CELSR1: variants seen among roughly 807,000 people sequenced by gnomAD.
CELSR1 encodes adhesion G protein-coupled receptor C1.
Under a neutral mutation model 249.1 loss-of-function variants are expected in CELSR1, and 110 were observed. That is an observed-to-expected ratio of 0.44 (90% CI 0.38 to 0.52). CELSR1 has a LOEUF of 0.52. Among genes scored for constraint, CELSR1 ranks in the 20% least tolerant of loss-of-function variants. The pLI, the probability that CELSR1 is intolerant of heterozygous loss-of-function variation, is 0.00. For synonymous variants in CELSR1, 2,113 were observed against 1,900.0 expected (o/e 1.11, Z -2.92); for missense variants, 4,109 against 4,296.4 (o/e 0.96, Z 1.22).
intron 26 of CELSR1, 34 bp downstream of exon 26, chr22:46,369,658 G>T: frequency 1.3e-6 from 2 of 1,591,256 alleles, no homozygotes; most frequent in Non-Finnish European, 8.6e-7. Flanking sequence ...GCATGTTTGG[G>T]GCACCCGGAC....
Position 46,440,932 on chromosome 22 carries a change from G to A in CELSR1, c.4184-1521C>T, listed in dbSNP as rs2079738551. Among the ~76,000 whole-genome samples the A allele has an allele frequency of 6.6e-6, 1 of 152,000 alleles. No individual in the cohort carries two copies. Among genetic ancestry groups the A allele is most frequent in the African/African-American group, 2.4e-5 (1 of 41,376 alleles). ...CTTTGGGAGGCTGAGGTGGGTGGAT[G>A]TCTTGAGGCCAGGAGTTGAAGACCA... On this transcript the variant is annotated intron_variant, in intron 2 of 34. Transcript: ENST00000674500. This position sits in a 1 kb window ranked among gnomAD's most constrained non-coding sequence, Gnocchi z 4.7.
chr22:46,403,994 A>G (rs1213003238), intron 9 of CELSR1, among the ~76,000 whole-genome samples: 1 of 151,692 alleles, frequency 6.6e-6, no homozygotes, highest in Admixed American at 6.6e-5. Flanking sequence ...AAAAAAAGAA[A>G]AAAAGAAAAA....
intron 1 of CELSR1, among the ~76,000 whole-genome samples, chr22:46,509,629 C>T (rs902286086): frequency 8.6e-6 from 1 of 116,738 alleles, no homozygotes; most frequent in South Asian, 2.6e-4. Flanking sequence ...GTCACAGAGG[C>T]CCTGAATATC....
Position 46,512,918 on chromosome 22 carries a change from A to G in CELSR1, c.3544+20709T>C, listed in dbSNP as rs944286671. 6.6e-6 allele frequency among the ~76,000 whole-genome samples: 1 copy of G among 152,134 alleles called. No individual in the cohort carries two copies. The highest frequency in any genetic ancestry group is 1.5e-5 in the Non-Finnish European group (1 of 68,024). On this transcript the variant is annotated intron_variant, in intron 1 of 34. Coordinates refer to ENST00000674500, the MANE Select transcript of CELSR1 (RefSeq NM_001378328.1). This position sits in a 1 kb window ranked among gnomAD's most constrained non-coding sequence, Gnocchi z 5.2. ...TGAGTGCTGCCCCGGGTGGCCCCGCATGGCAGGCGACGTCCTCCTCCAGGC... is the reference window on the plus strand; with the variant it reads ...TGAGTGCTGCCCCGGGTGGCCCCGCGTGGCAGGCGACGTCCTCCTCCAGGC...
chr22:46,509,062 C>A (rs1382369813), intron 1 of CELSR1, among the ~76,000 whole-genome samples: 1 of 152,176 alleles, frequency 6.6e-6, no homozygotes, highest in Non-Finnish European at 1.5e-5. Flanking sequence ...CATCATCACA[C>A]GACACCTCCT....
chr22:46,475,608 C>A (rs1016778393), intron 1 of CELSR1, among the ~76,000 whole-genome samples: 1 of 147,992 alleles, frequency 6.8e-6, no homozygotes, highest in African/African-American at 2.5e-5. Flanking sequence ...TAAAAATGGC[C>A]AAGATGGTTC....
rs950725047 is a variant in CELSR1 at position 46,537,035 on chromosome 22, G to C, written c.136C>G (p.Pro46Ala). 18 of 1,099,508 alleles carry C rather than the reference G, an allele frequency of 1.6e-5. No individual in the cohort carries two copies. In the African/African-American group the frequency reaches 2.9e-4, roughly 17 times the overall value. The allele number at this position is 1,099,508 out of a possible 1,614,324, so 68.1% of individuals were successfully genotyped here. A position where few individuals can be genotyped will look rare whatever the true frequency, so the allele number is the denominator to read the frequency against. Reference sequence around the variant, plus strand: ...GCGCCCACCGCGTAGGTACAGCCGGGCCGGAGGGCGAAGGCGCGGGTCCCG... The same window carrying C: ...GCGCCCACCGCGTAGGTACAGCCGGCCCGGAGGGCGAAGGCGCGGGTCCCG... Reference protein sequence around the residue: ...PGGTRAFALRPGCTYAVGAAC... With the variant: ...PGGTRAFALRAGCTYAVGAAC... Residue 46 changes from proline to alanine, a missense_variant, in exon 1 of 35, where the codon CCC (proline) becomes GCC (alanine). By Grantham distance (27) the Pro-to-Ala change is conservative (BLOSUM62 -1). Transcript: ENST00000674500. The surrounding 1 kb of genome is among the most constrained non-coding windows in gnomAD (Gnocchi z 5.8).
At position 46,418,965 on chromosome 22, in the gene CELSR1, G is replaced by A. The variant is rs150783536; in HGVS notation, c.4612-7206C>T. On this transcript the variant is annotated intron_variant, in intron 5 of 34. Coordinates refer to ENST00000674500, the MANE Select transcript of CELSR1 (RefSeq NM_001378328.1). ...GGAGGCAGGAGTCCCCTGGGCATGC[G>A]TGTTCAGCACTGGACGGAGATAAGC... 3.1e-3 allele frequency among the ~76,000 whole-genome samples: 475 copies of A among 152,322 alleles called. 2 individuals are homozygous for A. The highest frequency in any genetic ancestry group is 4.6e-3 in the African/African-American group (191 of 41,578).
At position 46,445,528 on chromosome 22, in the gene CELSR1, T is replaced by C. The variant is rs2079809020; in HGVS notation, c.4184-6117A>G. ...AATAAAAAATAAAGACACCAGTCATTGGATTTAGGGTCCACCCTAAATCCA... is the reference window on the plus strand; with the variant it reads ...AATAAAAAATAAAGACACCAGTCATCGGATTTAGGGTCCACCCTAAATCCA... On this transcript the variant is annotated intron_variant, in intron 2 of 34. Coordinates refer to ENST00000674500, the MANE Select transcript of CELSR1 (RefSeq NM_001378328.1). The surrounding 1 kb of genome is among the most constrained non-coding windows in gnomAD (Gnocchi z 4.4). 6.6e-6 allele frequency among the ~76,000 whole-genome samples: 1 copy of C among 152,058 alleles called. No individual in the cohort carries two copies. The highest frequency in any genetic ancestry group is 1.5e-5 in the Non-Finnish European group (1 of 68,004).
At position 46,374,891 on chromosome 22, in the gene CELSR1, G is replaced by A. The variant is rs1447754400; in HGVS notation, c.7585-1834C>T. Among the ~76,000 whole-genome samples the A allele has an allele frequency of 6.6e-6, 1 of 152,196 alleles. No individual in the cohort carries two copies. The highest frequency in any genetic ancestry group is 1.5e-5 in the Non-Finnish European group (1 of 68,012). On this transcript the variant is annotated intron_variant, in intron 24 of 34. Coordinates refer to ENST00000674500, the MANE Select transcript of CELSR1 (RefSeq NM_001378328.1). This position sits in a 1 kb window ranked among gnomAD's most constrained non-coding sequence, Gnocchi z 4.3. Reference sequence around the variant, plus strand: ...GGCCCCGCACACGGAGCCCCCGCCAGCCCGGGGCCTCGGCCTCGGGAAGCA... The same window carrying A: ...GGCCCCGCACACGGAGCCCCCGCCAACCCGGGGCCTCGGCCTCGGGAAGCA...
Position 46,468,291 on chromosome 22 carries a change from C to G in CELSR1, c.3545-3946G>C, listed in dbSNP as rs536316415. Among the ~76,000 whole-genome samples, 14 of 151,380 alleles carry G rather than the reference C, an allele frequency of 9.2e-5. No individual in the cohort carries two copies. The highest frequency in any genetic ancestry group is 1.8e-4 in the Non-Finnish European group (12 of 67,964). ...ATCTTAGCTACTCGGGAGGCTGAGG[C>G]AGGAGAATCGCTTGAACCCAAGAGG... On this transcript the variant is annotated intron_variant, in intron 1 of 34. Coordinates refer to ENST00000674500, the MANE Select transcript of CELSR1 (RefSeq NM_001378328.1). The surrounding 1 kb of genome is among the most constrained non-coding windows in gnomAD (Gnocchi z 4.5).
intron 1 of CELSR1, among the ~76,000 whole-genome samples, chr22:46,466,099 A>C (rs1331719175): frequency 1.3e-5 from 2 of 152,202 alleles, no homozygotes; most frequent in African/African-American, 4.8e-5. Flanking sequence ...CGGAGCAGGA[A>C]GGAGCAGCCC....
At position 46,537,080 on chromosome 22, in the gene CELSR1, A is replaced by G; in HGVS notation, c.91T>C (p.Trp31Arg). 9.5e-7 allele frequency: 1 copy of G among 1,050,948 alleles called. No homozygotes were observed. The highest frequency in any genetic ancestry group is 1.1e-6 in the Non-Finnish European group (1 of 875,396). 65.1% of individuals were successfully genotyped at this position (1,050,948 alleles called of 1,614,324 possible). A position where few individuals can be genotyped will look rare whatever the true frequency, so the allele number is the denominator to read the frequency against. The change falls in exon 1 of 35, where the codon TGG (tryptophan) becomes CGG (arginine). Residue 31 changes from tryptophan (W) to arginine (R), a missense_variant. Trp to Arg is a moderately radical substitution (Grantham distance 101). Around this residue, in one of 7 missense-constraint regions of CELSR1, gnomAD observed 673 missense variants for 636.8 expected, o/e 1.06. Transcript: ENST00000674500. This position sits in a 1 kb window ranked among gnomAD's most constrained non-coding sequence, Gnocchi z 5.8. ...GTCCCGCCGGGTACGCGCGGCTCCC[A>G]GGCGGCCGCTCGCAGCCCCATCGCC... ...LPAMGLRAAA[W>R]EPRVPGGTRA...
chr22:46,447,046 G>A lies in CELSR1; in HGVS notation c.4184-7635C>T, dbSNP rs935433706. On this transcript the variant is annotated intron_variant, in intron 2 of 34. Coordinates refer to ENST00000674500, the MANE Select transcript of CELSR1 (RefSeq NM_001378328.1). This position sits in a 1 kb window ranked among gnomAD's most constrained non-coding sequence, Gnocchi z 4.7. ...ATTACAGTACTGTTTATAGGGAGCT[G>A]GAGGGGCTGCTAGCATGAGTGGATT... Among the ~76,000 whole-genome samples, 1 of 152,068 alleles carries A rather than the reference G, an allele frequency of 6.6e-6. No individual in the cohort carries two copies. The highest frequency in any genetic ancestry group is 1.9e-4 in the East Asian group (1 of 5,146).
At chr22:46,502,986 A>C (rs962565378) in intron 1 of CELSR1, among the ~76,000 whole-genome samples, 6 of 152,316 alleles carry the variant, frequency 3.9e-5, no homozygotes, top group Non-Finnish European at 7.4e-5. Flanking sequence ...AGAGAAGATC[A>C]AAGGCTCGAG....
intron 5 of CELSR1, among the ~76,000 whole-genome samples, chr22:46,415,819 C>T (rs1029003877): frequency 1.3e-5 from 2 of 152,060 alleles, no homozygotes; most frequent in Admixed American, 6.5e-5. Context: ...CAGGAGGGGT[C>T]GAGAGGCGCA....
In CELSR1 at chr22:46,396,910, G is replaced by T. The variant is rs941389263; in HGVS notation, c.5702-164C>A. Among the ~76,000 whole-genome samples, 1 of 152,142 alleles carries T rather than the reference G, an allele frequency of 6.6e-6. No homozygotes were observed. The highest frequency in any genetic ancestry group is 1.5e-5 in the Non-Finnish European group (1 of 68,020). ...AGTCCCCGAAAACACAGCGTTAGGC[G>T]GGTTAGACTTAGTGATGCAGAGAGG... On this transcript the variant is annotated intron_variant, in intron 12 of 34. Transcript: ENST00000674500. This position sits in a 1 kb window ranked among gnomAD's most constrained non-coding sequence, Gnocchi z 6.4.
chr22:46,405,284 C>T (rs1160030395), intron 9 of CELSR1, among the ~76,000 whole-genome samples: 1 of 151,156 alleles, frequency 6.6e-6, no homozygotes, highest in African/African-American at 2.4e-5. Context: ...CCCGGTGAAA[C>T]CCTGTCTCTA....
Position 46,536,435 on chromosome 22 carries a change from G to A in CELSR1, c.736C>T (p.Pro246Ser), listed in dbSNP as rs1469256238. ...AACGCCACCTGGTAGTTGGGCATCG[G>A]AAACTTCAGGCTCCCTCTGCCGCTC... is the stretch of plus-strand genomic sequence containing the variant. The part of the protein sequence containing the change: ...GTSGRGSLKF[P>S]MPNYQVALFE... Residue 246 changes from proline (P) to serine (S), a missense_variant, in exon 1 of 35, where the codon CCG becomes TCG. Physicochemically the swap from Pro to Ser is moderately conservative, Grantham distance 74. This residue lies in a region of CELSR1 where 673 missense variants were observed against 636.8 expected (regional missense o/e 1.06). Transcript: ENST00000674500. The A allele has an allele frequency of 6.2e-7, 1 of 1,612,184 alleles. No individual in the cohort carries two copies. Among genetic ancestry groups the A allele is most frequent in the Admixed American group, 1.7e-5 (1 of 59,992 alleles).
Sources: allele counts gnomAD v4.1 joint callset (sites outside exome capture counted in the v4.1 genomes callset), GRCh38; gene constraint gnomAD v4.1.1; regional missense constraint gnomAD v4.1.1; non-coding constraint Gnocchi (gnomAD v3.1); transcripts MANE v1.5; gene names NCBI Gene and HGNC (gene_info 2026-07-23, HGNC 2026-07-21).